Variants in SLC28A3 observed in about 807,000 individuals in gnomAD.
The protein encoded by SLC28A3 is concentrative Na(+)-nucleoside cotransporter 3.
In SLC28A3, 68 loss-of-function variants were observed where a neutral mutation model predicts 84.2. That is an observed-to-expected ratio of 0.81 (90% CI 0.66 to 0.99). The LOEUF (loss-of-function observed/expected upper bound fraction) is 0.99, where lower values mean the gene tolerates loss of function less well. SLC28A3 is among the 50% of genes least tolerant of loss of function. SLC28A3 has a pLI of 0.00. For missense variants in SLC28A3, 712 were observed against 841.5 expected (o/e 0.85, Z 1.90); for synonymous variants, 267 against 303.6 (o/e 0.88, Z 1.25).
intron 3 of SLC28A3, among the ~76,000 whole-genome samples, chr9:84,307,854 G>T (rs1825856350): frequency 6.6e-6 from 1 of 152,128 alleles, no homozygotes; most frequent in Non-Finnish European, 1.5e-5. Context: ...TTGGTCATTT[G>T]GTTATCTAGG....
chr9:84,280,879 G>A lies in SLC28A3; in HGVS notation c.1651C>T (p.Arg551Cys), dbSNP rs201060612. 8 of 1,613,876 alleles carry A rather than the reference G, an allele frequency of 5.0e-6. No homozygotes were observed. Among genetic ancestry groups the A allele is most frequent in the East Asian group, 2.2e-5 (1 of 44,876 alleles). ...VNGVQQYISI[R>C]SEIIATYALC... Reference sequence around the variant, plus strand: ...GCGTAAGTGGCGATTATCTCAGAACGAATCTGTAAGCAAGCATAAACACAT... The same window carrying A: ...GCGTAAGTGGCGATTATCTCAGAACAAATCTGTAAGCAAGCATAAACACAT... The change falls in exon 15 of 18, where the codon CGT becomes TGT. Residue 551 changes from arginine to cysteine, a missense_variant. Physicochemically the swap from Arg to Cys is radical, Grantham distance 180. Transcript: ENST00000376238.
the SLC28A3 span, among the ~76,000 whole-genome samples, chr9:84,357,691 G>GTCAAAT: frequency 6.6e-6 from 1 of 152,080 alleles, no homozygotes; most frequent in Non-Finnish European, 1.5e-5. Flanking sequence ...CTCAGTGGGA[G>GTCAAAT]TCAAATTCAG....
chr9:84,280,148 T>G (rs1824687643), intron 15 of SLC28A3, 75 bp from the exon 16 acceptor site: 1 of 1,433,616 alleles, frequency 7.0e-7, no homozygotes, highest in Non-Finnish European at 9.5e-7. Context: ...TGAAAATTGT[T>G]CTGAGGCTGG....
At position 84,287,959 on chromosome 9, in the gene SLC28A3, C is replaced by T. The variant is rs746723319; in HGVS notation, c.1280+89G>A. On this transcript the variant is annotated intron_variant, in intron 12 of 17. Coordinates refer to ENST00000376238, the MANE Select transcript of SLC28A3 (RefSeq NM_001199633.2). ...TAATATTGTAATTCACTGTGCTTTC[C>T]GGTTATCAAATTTTTGCTGTACATT... 1.8e-4 allele frequency: 269 copies of T among 1,531,228 alleles called. 1 individual carries two copies. Among genetic ancestry groups the T allele is most frequent in the Middle Eastern group, 8.7e-4 (5 of 5,758 alleles). The allele number at this position is 1,531,228 out of a possible 1,614,324, so 94.9% of individuals were successfully genotyped here. A position where few individuals can be genotyped will look rare whatever the true frequency, so the allele number is the denominator to read the frequency against.
intron 3 of SLC28A3, among the ~76,000 whole-genome samples, chr9:84,305,762 C>T (rs896400337): frequency 6.6e-6 from 1 of 152,182 alleles, no homozygotes; most frequent in Non-Finnish European, 1.5e-5. Flanking sequence ...TCTGTCATCC[C>T]TCTTGGTTTG....
At position 84,305,264 on chromosome 9, in the gene SLC28A3, A is replaced by C; in HGVS notation, c.324T>G (p.Ile108Met). ...ATCTTTGTTATTTACCTGCTAATAAAATGCCCCAGATGATGTGCCGAAGAG... is the reference window on the plus strand; with the variant it reads ...ATCTTTGTTATTTACCTGCTAATAACATGCCCCAGATGATGTGCCGAAGAG... ...KTTLRHIIWG[I>M]LLAGYLVMVI... is the part of the protein sequence containing the mutation. The change falls in exon 4 of 18, where the codon ATT becomes ATG. Residue 108 changes from isoleucine to methionine, a missense_variant. Physicochemically the swap from Ile to Met is conservative, Grantham distance 10 (BLOSUM62 1). Coordinates refer to ENST00000376238, the MANE Select transcript of SLC28A3 (RefSeq NM_001199633.2). 1 of 1,612,670 alleles carries C rather than the reference A, an allele frequency of 6.2e-7. No individual in the cohort carries two copies. Among genetic ancestry groups the C allele is most frequent in the Non-Finnish European group, 8.5e-7 (1 of 1,179,750 alleles).
intron 5 of SLC28A3, among the ~76,000 whole-genome samples, chr9:84,300,778 C>T (rs1291089343): frequency 6.6e-6 from 1 of 152,158 alleles, no homozygotes; most frequent in African/African-American, 2.4e-5. Flanking sequence ...TAACACTTCA[C>T]AGGCCCTTCC....
At chr9:84,349,087 G>A in the SLC28A3 span, among the ~76,000 whole-genome samples, 2 of 152,070 alleles carry the variant, frequency 1.3e-5, no homozygotes, top group Admixed American at 1.3e-4. Flanking sequence ...GTGCAGGCGG[G>A]CTGAGTCCAA....
At chr9:84,288,500 C>T (rs763530859) in intron 11 of SLC28A3, among the ~76,000 whole-genome samples, 16 of 151,918 alleles carry the variant, frequency 1.1e-4, no homozygotes, top group Non-Finnish European at 2.2e-4. Flanking sequence ...TCCTCTACCT[C>T]TCTGTTGCCC....
intron 1 of SLC28A3, among the ~76,000 whole-genome samples, chr9:84,338,919 CCCATCTT>C (rs1827067676): frequency 6.6e-6 from 1 of 151,986 alleles, no homozygotes; most frequent in African/African-American, 2.4e-5. Flanking sequence ...TCCCCCATCC[CCCATCTT>C]CCTAAAAGCA....
the SLC28A3 span, among the ~76,000 whole-genome samples, chr9:84,350,860 G>A: frequency 3.3e-5 from 5 of 152,122 alleles, no homozygotes; most frequent in African/African-American, 2.4e-5. Flanking sequence ...CTACAGGCAC[G>A]CACCACCACG....
intron 4 of SLC28A3, among the ~76,000 whole-genome samples, chr9:84,303,226 G>C (rs1255580833): frequency 6.6e-6 from 1 of 151,996 alleles, no homozygotes; most frequent in Non-Finnish European, 1.5e-5. Context: ...GGAGTCAGCA[G>C]AAACTAGCTC....
chr9:84,294,251 T>G lies in SLC28A3; in HGVS notation c.886A>C (p.Ser296Arg). 6.2e-7 allele frequency: 1 copy of G among 1,614,168 alleles called. No individual in the cohort carries two copies. The highest frequency in any genetic ancestry group is 1.1e-5 in the South Asian group (1 of 91,082). ...FKVLPIVVFF[S>R]TVMSMLYYLG... is the part of the protein sequence containing the mutation. ...TAGTACAGCATGGACATCACAGTGC[T>G]GAAGAAAACCACGATCGGCAGGACC... The change falls in exon 9 of 18, where the codon AGC becomes CGC. Residue 296 changes from serine to arginine, a missense_variant. By Grantham distance (110) the Ser-to-Arg change is moderately radical. Coordinates refer to ENST00000376238, the MANE Select transcript of SLC28A3 (RefSeq NM_001199633.2).
chr9:84,344,590 A>T (rs141968705), upstream of SLC28A3, among the ~76,000 whole-genome samples: 1 of 152,206 alleles, frequency 6.6e-6, no homozygotes, highest in African/African-American at 2.4e-5. Flanking sequence ...TTACCCCAAA[A>T]CATGTTTCTT....
intron 1 of SLC28A3, among the ~76,000 whole-genome samples, chr9:84,322,958 T>C (rs545472463): frequency 6.6e-6 from 1 of 152,338 alleles, no homozygotes; most frequent in East Asian, 1.9e-4. Context: ...AGTCCTTTGA[T>C]GAGGCAAGAC....
At chr9:84,285,564 A>G in intron 13 of SLC28A3, 22 bp from the exon 14 acceptor site, 1 of 1,613,108 alleles carries the variant, frequency 6.2e-7, no homozygotes, top group Non-Finnish European at 8.5e-7. Context: ...AAAAGTAGAC[A>G]CTTGATTAGA....
chr9:84,297,616 C>T (rs559335843), intron 7 of SLC28A3, among the ~76,000 whole-genome samples: 2 of 152,290 alleles, frequency 1.3e-5, no homozygotes, highest in South Asian at 4.2e-4. Flanking sequence ...GCAAAGGAAG[C>T]CTGTTTCTCT....
rs985318211 is a variant in SLC28A3 at position 84,280,899 on chromosome 9, A to T, written c.1648-17T>A. The T allele has an allele frequency of 4.8e-5, 77 of 1,612,818 alleles. No homozygotes were observed. The highest frequency in any genetic ancestry group is 6.3e-5 in the Non-Finnish European group (74 of 1,179,248). On this transcript the variant is annotated splice_polypyrimidine_tract_variant and intron_variant, in intron 14 of 17. Coordinates refer to ENST00000376238, the MANE Select transcript of SLC28A3 (RefSeq NM_001199633.2). Reference sequence around the variant, plus strand: ...AGAACGAATCTGTAAGCAAGCATAAACACATATGTATACACAATCTGAGCT... The same window carrying T: ...AGAACGAATCTGTAAGCAAGCATAATCACATATGTATACACAATCTGAGCT...
At chr9:84,365,415 T>C in the SLC28A3 span, among the ~76,000 whole-genome samples, 1 of 152,360 alleles carries the variant, frequency 6.6e-6, no homozygotes, top group East Asian at 1.9e-4. Flanking sequence ...TTATATATGC[T>C]GATTATAATC....
Sources: allele counts gnomAD v4.1 joint callset (sites outside exome capture counted in the v4.1 genomes callset), GRCh38; gene constraint gnomAD v4.1.1; transcripts MANE v1.5; gene names NCBI Gene and HGNC (gene_info 2026-07-23, HGNC 2026-07-21).